The following APBB2 variants were observed in gnomAD, a reference collection of about 807,000 sequenced individuals.
The protein encoded by APBB2 is Fe65-like 1.
In APBB2, 38 loss-of-function variants were observed where a neutral mutation model predicts 82.5. The observed-to-expected ratio is 0.46, with a 90% CI of 0.36 to 0.60. The LOEUF (loss-of-function observed/expected upper bound fraction) is 0.60, where lower values mean the gene tolerates loss of function less well. Ranked by LOEUF, APBB2 falls within the 20% of genes least tolerant of loss-of-function variation. The pLI, the probability that APBB2 is intolerant of heterozygous loss-of-function variation, is 0.00. For synonymous variants in APBB2, 341 were observed against 368.2 expected (o/e 0.93, Z 0.85); for missense variants, 772 against 972.3 (o/e 0.79, Z 2.74).
chr4:40,940,809 G>T (rs1037087932), intron 7 of APBB2, among the ~76,000 whole-genome samples: 1 of 152,220 alleles, frequency 6.6e-6, no homozygotes, highest in African/African-American at 2.4e-5. Flanking sequence ...TTGGCCACAA[G>T]CCAATGGATA....
At chr4:40,817,680 TA>T (rs1746260560) in intron 17 of APBB2, among the ~76,000 whole-genome samples, 1 of 151,830 alleles carries the variant, frequency 6.6e-6, no homozygotes, top group Admixed American at 6.6e-5. Context: ...ATGGCTTTTT[TA>T]AAAAAAATCA....
In APBB2 at chr4:40,862,169, A is replaced by G. The variant is rs1267035590; in HGVS notation, c.1529+28195T>C. 5.9e-5 allele frequency among the ~76,000 whole-genome samples: 9 copies of G among 152,368 alleles called. No individual in the cohort carries two copies. The East Asian group carries it at 1.5e-3, about 26-fold the overall frequency. On this transcript the variant is annotated intron_variant, in intron 12 of 17. Transcript: ENST00000508593. ...GTGCAACAGCCATAATCCAATTTCA[A>G]TTTGTTTGATTACATGAGTATAAAC...
At chr4:41,069,741 G>A (rs1733177285) in intron 3 of APBB2, among the ~76,000 whole-genome samples, 1 of 152,168 alleles carries the variant, frequency 6.6e-6, no homozygotes, top group Admixed American at 6.5e-5. Flanking sequence ...AGGTAAGGAG[G>A]CCAATTAAAT....
At chr4:40,881,866 A>G (rs1013588707) in intron 12 of APBB2, among the ~76,000 whole-genome samples, 1 of 151,924 alleles carries the variant, frequency 6.6e-6, no homozygotes, top group Non-Finnish European at 1.5e-5. Flanking sequence ...CTGTCACCTA[A>G]AACACTGCCC....
At chr4:40,846,004 GGTGTGAGTGGGGTGT>G (rs1319903502) in intron 12 of APBB2, among the ~76,000 whole-genome samples, 4 of 117,312 alleles carry the variant, frequency 3.4e-5, no homozygotes, top group African/African-American at 1.3e-4. Flanking sequence ...TGGGTGGGTG[GGTGTGAGTGGGGTGT>G]GTGTGTGTGT....
chr4:41,178,656 C>A (rs6810560), intron 1 of APBB2, among the ~76,000 whole-genome samples: 2 of 151,850 alleles, frequency 1.3e-5, no homozygotes, highest in Non-Finnish European at 2.9e-5. Context: ...CCTTGAGGGT[C>A]TGCAAAACAT....
chr4:40,939,460 C>A lies in APBB2; in HGVS notation c.1045-4321G>T, dbSNP rs369039479. Among the ~76,000 whole-genome samples, 6 of 152,294 alleles carry A rather than the reference C, an allele frequency of 3.9e-5. No homozygotes were observed. In the East Asian group the frequency reaches 5.8e-4, roughly 15 times the overall value. On this transcript the variant is annotated intron_variant, in intron 7 of 17. Coordinates refer to ENST00000508593, the MANE Select transcript of APBB2 (RefSeq NM_004307.2). ...GCAGTTTGGGGAATACAAAGGGTTA[C>A]GAATCATGTCTCTCAATGCCATTTT...
chr4:40,839,075 T>C (rs1215999975), intron 12 of APBB2, among the ~76,000 whole-genome samples: 2 of 152,130 alleles, frequency 1.3e-5, no homozygotes, highest in African/African-American at 2.4e-5. Flanking sequence ...TTTTATATAC[T>C]ATTTTTCACT....
chr4:40,894,195 G>A (rs1772974217), intron 10 of APBB2, among the ~76,000 whole-genome samples: 1 of 151,684 alleles, frequency 6.6e-6, no homozygotes, highest in Non-Finnish European at 1.5e-5. Flanking sequence ...GGCTGAAGCA[G>A]AAGAATGGCG....
chr4:40,880,505 G>C, intron 12 of APBB2: 3 of 985,332 alleles, frequency 3.0e-6, no homozygotes, highest in Non-Finnish European at 3.6e-6. Context: ...ATAAGTTCTG[G>C]GTTATCATGG....
At chr4:40,944,051 G>A (rs1787718801) in intron 7 of APBB2, among the ~76,000 whole-genome samples, 1 of 152,246 alleles carries the variant, frequency 6.6e-6, no homozygotes, top group Admixed American at 6.5e-5. Flanking sequence ...TAGTTCTAAT[G>A]CCCTCATGCC....
chr4:41,009,941 T>C (rs952748702), intron 6 of APBB2, among the ~76,000 whole-genome samples: 1 of 152,184 alleles, frequency 6.6e-6, no homozygotes, highest in African/African-American at 2.4e-5. Context: ...TTTTAAACAC[T>C]AACAGTATGT....
Position 41,009,441 on chromosome 4 carries a change from T to C in APBB2, c.835+4142A>G, listed in dbSNP as rs536434361. Among the ~76,000 whole-genome samples, 8 of 152,266 alleles carry C rather than the reference T, an allele frequency of 5.3e-5. No individual in the cohort carries two copies. In the South Asian group the frequency reaches 1.0e-3, roughly 20 times the overall value. ...GGGCAGCCACATATTGTATACATGA[T>C]TGATTGTACAAAAAGAAGTTACTAA... On this transcript the variant is annotated intron_variant, in intron 6 of 17. Coordinates refer to ENST00000508593, the MANE Select transcript of APBB2 (RefSeq NM_004307.2).
intron 13 of APBB2, among the ~76,000 whole-genome samples, chr4:40,829,764 G>A (rs1186558928): frequency 6.6e-6 from 1 of 152,130 alleles, no homozygotes; most frequent in Non-Finnish European, 1.5e-5. Flanking sequence ...ACGCCAGACT[G>A]TTTGTTCTCA....
At chr4:41,021,565 A>G (rs1711532526) in intron 5 of APBB2, among the ~76,000 whole-genome samples, 1 of 152,198 alleles carries the variant, frequency 6.6e-6, no homozygotes, top group Non-Finnish European at 1.5e-5. Context: ...AAAACGCACC[A>G]ATCAGCCCTC....
At chr4:40,897,224 G>A (rs1441789651) in intron 10 of APBB2, among the ~76,000 whole-genome samples, 1 of 142,540 alleles carries the variant, frequency 7.0e-6, no homozygotes, top group Non-Finnish European at 1.6e-5. Context: ...TTTTTGCCGG[G>A]TGGGCAAACA....
intron 1 of APBB2, among the ~76,000 whole-genome samples, chr4:41,155,570 A>G (rs2154030389): frequency 6.6e-6 from 1 of 152,352 alleles, no homozygotes; most frequent in East Asian, 1.9e-4. Flanking sequence ...AGGAGAAAGG[A>G]GGACGAATAA....
At chr4:41,049,527 G>A (rs866481291) in intron 4 of APBB2, among the ~76,000 whole-genome samples, 10,330 of 139,926 alleles carry the variant, frequency 0.074, 1,348 homozygotes, top group African/African-American at 0.27. Flanking sequence ...GCCCCCGCCC[G>A]GCCAGCCGCC....
chr4:40,873,683 T>C (rs1213541490), intron 12 of APBB2, among the ~76,000 whole-genome samples: 1 of 152,216 alleles, frequency 6.6e-6, no homozygotes, highest in African/African-American at 2.4e-5. Flanking sequence ...AGGGCTGAGG[T>C]GGTTCTGTGC....
Sources: gnomAD v4.1 joint callset for allele counts (sites outside exome capture counted in the v4.1 genomes callset) on GRCh38, gnomAD v4.1.1 for gene constraint, MANE v1.5 for transcripts, NCBI Gene and HGNC (gene_info 2026-07-23, HGNC 2026-07-21) for gene names.